Variants in SHANK1 observed in about 807,000 individuals in gnomAD.
SHANK1 encodes the protein SH3 and multiple ankyrin repeat domains 1, also known as SH3 and multiple ankyrin repeat domains protein 1.
A neutral mutation model predicts 165.6 loss-of-function variants in SHANK1; 35 were observed. That is an observed-to-expected ratio of 0.21 (90% CI 0.16 to 0.28). The LOEUF (loss-of-function observed/expected upper bound fraction) is 0.28. SHANK1 is among the 10% of genes least tolerant of loss of function. The pLI is 1.00. For missense variants in SHANK1, 2,681 were observed against 3,036.4 expected (o/e 0.88, Z 2.75); for synonymous variants, 1,428 against 1,384.8 (o/e 1.03, Z -0.69).
In SHANK1 at chr19:50,668,499, G is replaced by T; in HGVS notation, c.3461C>A (p.Pro1154His). ...GGCCTTGATGATGATGGTGGGGATG[G>T]GGATGGAGTTCTTCTCCGAGGGCGC... ...VAAPSEKNSI[P>H]IPTIIIKAPS... The change falls in exon 23 of 24, where the codon CCC (proline) becomes CAC (histidine). Residue 1154 changes from proline (P) to histidine (H), a missense_variant. By Grantham distance (77) the Pro-to-His change is moderately conservative. Around this residue, in one of 10 missense-constraint regions of SHANK1, gnomAD observed 1,713 missense variants for 1,630.2 expected, o/e 1.05. Transcript: ENST00000293441. 1 of 1,348,388 alleles carries T rather than the reference G, an allele frequency of 7.4e-7. No individual in the cohort carries two copies. The highest frequency in any genetic ancestry group is 2.9e-5 in the East Asian group (1 of 35,086). 83.5% of individuals were successfully genotyped at this position (1,348,388 alleles called of 1,614,324 possible).
intron 15 of SHANK1, among the ~76,000 whole-genome samples, chr19:50,691,100 C>A (rs1318275194): frequency 6.6e-6 from 1 of 152,100 alleles, no homozygotes; most frequent in Non-Finnish European, 1.5e-5. Flanking sequence ...ACCATACCCG[C>A]CATGTCTTCC....
intron 23 of SHANK1, chr19:50,663,061 C>T: frequency 3.5e-6 from 1 of 288,298 alleles, no homozygotes; most frequent in Non-Finnish European, 6.6e-6. Flanking sequence ...ATGCAGGTTA[C>T]TATTATTATC....
Position 50,662,009 on chromosome 19 carries a change from G to T in SHANK1, c.6442C>A (p.Arg2148Ser). 6.2e-7 allele frequency: 1 copy of T among 1,614,186 alleles called. No individual in the cohort carries two copies. Residue 2148 changes from arginine to serine, a missense_variant, in exon 24 of 24, where the codon CGC (arginine) becomes AGC (serine). This residue lies in a region of SHANK1 where 49 missense variants were observed against 94.2 expected (regional missense o/e 0.52). Transcript: ENST00000293441. This position sits in a 1 kb window ranked among gnomAD's most constrained non-coding sequence, Gnocchi z 7.7. ...TTGAGAGCCCGGTCGATGTTCATGCGGTGGCCCACCCTGGTCACACCTAGA... is the reference window on the plus strand; with the variant it reads ...TTGAGAGCCCGGTCGATGTTCATGCTGTGGCCCACCCTGGTCACACCTAGA... ...VDLGVTRVGH[R>S]MNIDRALKFF...
chr19:50,687,113 G>T, intron 19 of SHANK1: 1 of 1,076,168 alleles, frequency 9.3e-7, no homozygotes, highest in Non-Finnish European at 1.3e-6. Flanking sequence ...CCCCTGTCTG[G>T]AAGCCCGCCT....
intron 22 of SHANK1, 126 bp from the exon 23 acceptor site, chr19:50,669,411 G>A: frequency 3.0e-6 from 2 of 667,846 alleles, no homozygotes; most frequent in African/African-American, 1.8e-5. Flanking sequence ...GGAACTTCAC[G>A]TGGACTCGCC....
chr19:50,710,499 G>A (rs2123194623), intron 8 of SHANK1, among the ~76,000 whole-genome samples: 1 of 152,298 alleles, frequency 6.6e-6, no homozygotes, highest in African/African-American at 2.4e-5. Context: ...TTTCCATGGG[G>A]CTGACCTGCC....
chr19:50,704,223 G>T lies in SHANK1; in HGVS notation c.1156-37C>A, dbSNP rs113010495. 1.8e-5 allele frequency: 29 copies of T among 1,599,352 alleles called. 1 individual carries two copies. In the South Asian group the frequency reaches 2.6e-4, roughly 15 times the overall value. On this transcript the variant is annotated intron_variant, in intron 9 of 23. Coordinates refer to ENST00000293441, the MANE Select transcript of SHANK1 (RefSeq NM_016148.5). ...GGGTAGAGGCAGGTCGGCCAGGGGG[G>T]CCCAGGCAGCAGAGAGAGGGCAGGG...
rs1985111320 is a variant in SHANK1 at position 50,659,673 on chromosome 19, C to A, written c.*2292G>T. ...TTTTTTTTTCTGTTTTTTATATTTT[C>A]TTCTTTTGTTATTGTTCCTCTTTTT... On this transcript the variant is annotated 3_prime_UTR_variant, in exon 24 of 24. Coordinates refer to ENST00000293441, the MANE Select transcript of SHANK1 (RefSeq NM_016148.5). Among the ~76,000 whole-genome samples, 1 of 143,036 alleles carries A rather than the reference C, an allele frequency of 7.0e-6. No homozygotes were observed. The highest frequency in any genetic ancestry group is 2.2e-4 in the South Asian group (1 of 4,496). 93.8% of individuals were successfully genotyped at this position (143,036 alleles called of 152,430 possible).
chr19:50,659,547 C>T lies in SHANK1; in HGVS notation c.*2418G>A, dbSNP rs970361366. On this transcript the variant is annotated 3_prime_UTR_variant, in exon 24 of 24. Transcript: ENST00000293441. Reference sequence around the variant, plus strand: ...CGAGAATCAGACGTCCTCATCCGCCCCCCTCCTCTTCCCCTCCCACCCCCC... The same window carrying T: ...CGAGAATCAGACGTCCTCATCCGCCTCCCTCCTCTTCCCCTCCCACCCCCC... Among the ~76,000 whole-genome samples the T allele has an allele frequency of 2.0e-5, 3 of 150,474 alleles. No individual in the cohort carries two copies. The highest frequency in any genetic ancestry group is 4.4e-5 in the Non-Finnish European group (3 of 67,490).
rs940647857 is a variant in SHANK1, at chr19:50,668,139, G to A, written c.3821C>T (p.Thr1274Ile). 1.7e-5 allele frequency: 25 copies of A among 1,469,878 alleles called. No homozygotes were observed. The highest frequency in any genetic ancestry group is 1.9e-5 in the Non-Finnish European group (21 of 1,117,658). 91.1% of individuals were successfully genotyped at this position (1,469,878 alleles called of 1,614,324 possible). ...DEDGGDGGLG[T>I]GAAPGPRLRH... Reference sequence around the variant, plus strand: ...CAGCCGCGGGCCCGGGGCCGCCCCTGTGCCCAGCCCGCCGTCCCCGCCGTC... The same window carrying A: ...CAGCCGCGGGCCCGGGGCCGCCCCTATGCCCAGCCCGCCGTCCCCGCCGTC... Residue 1274 changes from threonine to isoleucine, a missense_variant, in exon 23 of 24, where the codon ACA becomes ATA. By Grantham distance (89) the Thr-to-Ile change is moderately conservative. This residue lies in a region of SHANK1 where 1,713 missense variants were observed against 1,630.2 expected (regional missense o/e 1.05). Coordinates refer to ENST00000293441, the MANE Select transcript of SHANK1 (RefSeq NM_016148.5).
chr19:50,680,947 C>T (rs985318154), intron 21 of SHANK1, among the ~76,000 whole-genome samples: 16 of 152,154 alleles, frequency 1.1e-4, no homozygotes, highest in African/African-American at 3.1e-4. Context: ...TGAGCCACCA[C>T]GCCTGGCTGA....
intron 15 of SHANK1, among the ~76,000 whole-genome samples, chr19:50,696,197 G>A (rs1205824439): frequency 1.3e-5 from 2 of 152,182 alleles, no homozygotes; most frequent in East Asian, 1.9e-4. Flanking sequence ...CCCCACAGAC[G>A]GAGGCCAAGG....
intron 12 of SHANK1, among the ~76,000 whole-genome samples, chr19:50,698,160 A>G (rs1267432914): frequency 6.6e-6 from 1 of 151,162 alleles, no homozygotes; most frequent in Non-Finnish European, 1.5e-5. Flanking sequence ...TCCAATAAGG[A>G]TGACAGGCAT....
Position 50,661,958 on chromosome 19 carries a change from C to T in SHANK1, c.*7G>A, listed in dbSNP as rs1375857624. On this transcript the variant is annotated 3_prime_UTR_variant, in exon 24 of 24. Transcript: ENST00000293441. ...TGTGGACGGGGCTGGTCCGTCCAGG[C>T]CAGCCATCACCTCTCCAGGAAGAAT... is the stretch of plus-strand genomic sequence containing the variant. 7 of 1,613,334 alleles carry T rather than the reference C, an allele frequency of 4.3e-6. No individual in the cohort carries two copies. Among genetic ancestry groups the T allele is most frequent in the Non-Finnish European group, 5.9e-6 (7 of 1,179,960 alleles).
At position 50,667,188 on chromosome 19, in the gene SHANK1, G is replaced by T; in HGVS notation, c.4772C>A (p.Pro1591Gln). ...GGCAGGGGCAGGTGTGTCGGGCAGC[G>T]GGTGGGGAGGCCCAGGCGTGAGGGG... is the stretch of plus-strand genomic sequence containing the variant. ...ESPLTPGPPH[P>Q]LPDTPAPATP... Residue 1591 changes from proline (P) to glutamine (Q), a missense_variant, in exon 23 of 24, where the codon CCG (proline) becomes CAG (glutamine). By Grantham distance (76) the Pro-to-Gln change is moderately conservative (BLOSUM62 -1). Transcript: ENST00000293441. The surrounding 1 kb of genome is among the most constrained non-coding windows in gnomAD (Gnocchi z 5.7). The T allele has an allele frequency of 6.4e-7, 1 of 1,570,262 alleles. No individual in the cohort carries two copies. The highest frequency in any genetic ancestry group is 2.3e-5 in the East Asian group (1 of 43,800).
chr19:50,667,759 G>C lies in SHANK1; in HGVS notation c.4201C>G (p.His1401Asp), dbSNP rs1985601369. ...TPHHHSPHAH[H>D]EPVLRLWGAS... ...CCCCAGAGACGCAGCACTGGCTCGT[G>C]GTGGGCGTGGGGCGAGTGGTGGTGC... The change falls in exon 23 of 24, where the codon CAC (histidine) becomes GAC (aspartate). Residue 1401 changes from histidine (H) to aspartate (D), a missense_variant. Transcript: ENST00000293441. This position sits in a 1 kb window ranked among gnomAD's most constrained non-coding sequence, Gnocchi z 5.7. 7.6e-7 allele frequency: 1 copy of C among 1,314,060 alleles called. No homozygotes were observed. Among genetic ancestry groups the C allele is most frequent in the African/African-American group, 1.5e-5 (1 of 64,652 alleles). The allele number at this position is 1,314,060 out of a possible 1,614,324, so 81.4% of individuals were successfully genotyped here.
In SHANK1 at chr19:50,702,419, C is replaced by G. The variant is rs370567163; in HGVS notation, c.1747+48G>C. The G allele has an allele frequency of 1.3e-6, 2 of 1,517,190 alleles. No homozygotes were observed. The highest frequency in any genetic ancestry group is 1.8e-6 in the Non-Finnish European group (2 of 1,120,594). The allele number at this position is 1,517,190 out of a possible 1,614,324, so 94.0% of individuals were successfully genotyped here. A position where few individuals can be genotyped will look rare whatever the true frequency, so the allele number is the denominator to read the frequency against. ...CTCTCTGCTCCACATTTTCCCTGAT[C>G]GCCCCCACAGCCCAGCCCAGCCCAG... On this transcript the variant is annotated intron_variant, in intron 12 of 23. Transcript: ENST00000293441. This position sits in a 1 kb window ranked among gnomAD's most constrained non-coding sequence, Gnocchi z 5.3.
intron 22 of SHANK1, among the ~76,000 whole-genome samples, chr19:50,671,178 CTCT>C (rs1985778411): frequency 1.0e-5 from 1 of 95,252 alleles, no homozygotes; most frequent in South Asian, 3.4e-4. Flanking sequence ...TTTTTTTTCA[CTCT>C]TTTTTTTTTT....
intron 4 of SHANK1, 78 bp downstream of exon 4, chr19:50,715,581 T>C: frequency 8.6e-7 from 1 of 1,168,318 alleles, no homozygotes; most frequent in Non-Finnish European, 1.2e-6. Context: ...TGGGAAGAGG[T>C]GGGGAGAGAA....
Sources: allele counts gnomAD v4.1 joint callset (sites outside exome capture counted in the v4.1 genomes callset), GRCh38; gene constraint gnomAD v4.1.1; regional missense constraint gnomAD v4.1.1; non-coding constraint Gnocchi (gnomAD v3.1); transcripts MANE v1.5; gene names NCBI Gene and HGNC (gene_info 2026-07-23, HGNC 2026-07-21).